Variants in ADAMTS19 observed in about 807,000 individuals in gnomAD.
ADAMTS19 encodes the protein A disintegrin and metalloproteinase with thrombospondin motifs 19.
A neutral mutation model predicts 153.3 loss-of-function variants in ADAMTS19; 93 were observed. The observed-to-expected ratio is 0.61, with a 90% CI of 0.51 to 0.72. ADAMTS19 has a LOEUF of 0.72. Ranked by LOEUF, ADAMTS19 falls within the 30% of genes least tolerant of loss-of-function variation. ADAMTS19 has a pLI of 0.00. For missense variants in ADAMTS19, 1,482 were observed against 1,552.1 expected (o/e 0.95, Z 0.76); for synonymous variants, 600 against 556.6 (o/e 1.08, Z -1.10).
intron 7 of ADAMTS19, among the ~76,000 whole-genome samples, chr5:129,565,345 A>G (rs528027644): frequency 7.9e-5 from 12 of 152,316 alleles, no homozygotes; most frequent in African/African-American, 2.9e-4. Context: ...TATTCGATAC[A>G]CAGAGAGTAA....
At chr5:129,657,246 A>G (rs1753586025) in intron 14 of ADAMTS19, among the ~76,000 whole-genome samples, 3 of 152,200 alleles carry the variant, frequency 2.0e-5, no homozygotes, top group Admixed American at 2.0e-4. Flanking sequence ...TTTTGCTCCC[A>G]GCACATTCAT....
At chr5:129,720,039 G>T (rs994695309) in intron 21 of ADAMTS19, among the ~76,000 whole-genome samples, 15 of 151,694 alleles carry the variant, frequency 9.9e-5, no homozygotes, top group Admixed American at 8.5e-4. Flanking sequence ...CTTCATCTTA[G>T]AAATAAATAA....
chr5:129,534,168 T>A (rs957333838), intron 6 of ADAMTS19, among the ~76,000 whole-genome samples: 1 of 152,118 alleles, frequency 6.6e-6, no homozygotes, highest in Non-Finnish European at 1.5e-5. Flanking sequence ...ACCTGTCTCA[T>A]TGATCTGTCT....
chr5:129,647,214 GA>G (rs34958335), intron 11 of ADAMTS19, among the ~76,000 whole-genome samples: 20,664 of 102,294 alleles, frequency 0.2, 1,495 homozygotes, highest in African/African-American at 0.31. Flanking sequence ...AATTCTTTCA[GA>G]AAAAAAAAAA....
intron 7 of ADAMTS19, among the ~76,000 whole-genome samples, chr5:129,554,733 G>T (rs1430954119): frequency 6.6e-6 from 1 of 151,960 alleles, no homozygotes; most frequent in Non-Finnish European, 1.5e-5. Context: ...AGACTTTTAC[G>T]TTACTTGTAG....
At chr5:129,491,729 A>G (rs1750777380) in intron 2 of ADAMTS19, among the ~76,000 whole-genome samples, 2 of 152,196 alleles carry the variant, frequency 1.3e-5, no homozygotes, top group South Asian at 4.1e-4. Flanking sequence ...ATTCCTTAAG[A>G]AGGTTTTTCT....
chr5:129,603,562 G>GT (rs1450899946), intron 8 of ADAMTS19, among the ~76,000 whole-genome samples: 1 of 152,080 alleles, frequency 6.6e-6, no homozygotes, highest in East Asian at 1.9e-4. Flanking sequence ...ATTGTGTATG[G>GT]TTTTAGGAAA....
chr5:129,500,859 T>C (rs1161298988), intron 2 of ADAMTS19, among the ~76,000 whole-genome samples: 3 of 152,080 alleles, frequency 2.0e-5, no homozygotes, highest in Non-Finnish European at 4.4e-5. Context: ...AATTATGATA[T>C]ATTTAGAGGA....
rs575554153 is a variant in ADAMTS19, at chr5:129,719,945, C to T, written c.3313-14987C>T. Among the ~76,000 whole-genome samples, 470 of 152,000 alleles carry T rather than the reference C, an allele frequency of 3.1e-3. 4 individuals are homozygous for T. Among genetic ancestry groups the T allele is most frequent in the African/African-American group, 0.011 (439 of 41,482 alleles). ...ATCCCAGCTACTTGGAAGGCTGAAGCGGGAGAATCACTTGAACCTGGGAGG... is the reference window on the plus strand; with the variant it reads ...ATCCCAGCTACTTGGAAGGCTGAAGTGGGAGAATCACTTGAACCTGGGAGG... On this transcript the variant is annotated intron_variant, in intron 21 of 22. Transcript: ENST00000274487.
intron 7 of ADAMTS19, among the ~76,000 whole-genome samples, chr5:129,561,690 T>C (rs773531371): frequency 7.9e-5 from 12 of 152,194 alleles, no homozygotes; most frequent in Non-Finnish European, 1.0e-4. Flanking sequence ...TTAATATCTA[T>C]TGGTATATCT....
intron 8 of ADAMTS19, among the ~76,000 whole-genome samples, chr5:129,598,402 C>T (rs1289563299): frequency 1.3e-5 from 2 of 152,100 alleles, no homozygotes; most frequent in African/African-American, 4.8e-5. Flanking sequence ...TAAAGGAAAG[C>T]TTAGAAGAAA....
chr5:129,482,606 A>C (rs1750452797), intron 2 of ADAMTS19, among the ~76,000 whole-genome samples: 1 of 152,222 alleles, frequency 6.6e-6, no homozygotes, highest in African/African-American at 2.4e-5. Context: ...AGCTACAAAG[A>C]TGAGTTATCA....
At chr5:129,483,284 G>T (rs10069102) in intron 2 of ADAMTS19, among the ~76,000 whole-genome samples, 23,274 of 152,106 alleles carry the variant, frequency 0.15, 2,393 homozygotes, top group African/African-American at 0.29. Context: ...TAATCTCTCT[G>T]AGTCTCTGTT....
Position 129,602,338 on chromosome 5 carries a change from G to A in ADAMTS19, c.1478+5674G>A, listed in dbSNP as rs141745696. On this transcript the variant is annotated intron_variant, in intron 8 of 22. Coordinates refer to ENST00000274487, the MANE Select transcript of ADAMTS19 (RefSeq NM_133638.6). ...ACTCCCGACCTCAGGTGATCCGCCC[G>A]CCTCAGCCTCCCAACGTGCTGGGAT... 8.1e-3 allele frequency among the ~76,000 whole-genome samples: 1,227 copies of A among 152,228 alleles called. 12 individuals carry two copies. Among genetic ancestry groups the A allele is most frequent in the African/African-American group, 0.028 (1,148 of 41,554 alleles).
intron 22 of ADAMTS19, among the ~76,000 whole-genome samples, chr5:129,735,781 T>A (rs1248831457): frequency 6.6e-6 from 1 of 152,040 alleles, no homozygotes; most frequent in African/African-American, 2.4e-5. Context: ...AGCCTACACT[T>A]GCATAACAAA....
intron 2 of ADAMTS19, among the ~76,000 whole-genome samples, chr5:129,478,546 TTTTG>T (rs1037043796): frequency 1.3e-5 from 2 of 152,254 alleles, no homozygotes; most frequent in South Asian, 4.1e-4. Flanking sequence ...CCCTACCTTT[TTTTG>T]TTTGTTTGTT....
At chr5:129,575,045 A>G (rs988984027) in intron 7 of ADAMTS19, among the ~76,000 whole-genome samples, 23 of 152,010 alleles carry the variant, frequency 1.5e-4, no homozygotes, top group African/African-American at 4.6e-4. Flanking sequence ...AGAGCTTCAG[A>G]TATTTGTAGG....
Position 129,461,657 on chromosome 5 carries a change from C to A in ADAMTS19, c.647C>A (p.Pro216Gln). The change falls in exon 2 of 23, where the codon CCG becomes CAG. Residue 216 changes from proline to glutamine, a missense_variant. By Grantham distance (76) the Pro-to-Gln change is moderately conservative (BLOSUM62 -1). This residue lies in a region of ADAMTS19 where 866 missense variants were observed against 827.7 expected (regional missense o/e 1.05). Coordinates refer to ENST00000274487, the MANE Select transcript of ADAMTS19 (RefSeq NM_133638.6). This position sits in a 1 kb window ranked among gnomAD's most constrained non-coding sequence, Gnocchi z 4.6. ...GPGPTGAASA[P>Q]QPPAPPDAGC... The stretch of plus-strand genomic sequence containing the variant: ...GGCCCCACGGGGGCAGCATCCGCCC[C>A]GCAACCTCCCGCGCCACCAGACGCA... 1 of 1,587,750 alleles carries A rather than the reference C, an allele frequency of 6.3e-7. No homozygotes were observed. Among genetic ancestry groups the A allele is most frequent in the Non-Finnish European group, 8.5e-7 (1 of 1,172,994 alleles).
At chr5:129,588,865 GACT>G (rs1317394758) in intron 7 of ADAMTS19, among the ~76,000 whole-genome samples, 2 of 151,696 alleles carry the variant, frequency 1.3e-5, no homozygotes, top group African/African-American at 2.4e-5. Flanking sequence ...ACCCTAATTT[GACT>G]ACTAATATAT....
Sources: gnomAD v4.1 joint callset for allele counts (sites outside exome capture counted in the v4.1 genomes callset) on GRCh38, gnomAD v4.1.1 for gene constraint, gnomAD v4.1.1 regional missense constraint, Gnocchi (gnomAD v3.1) non-coding constraint, MANE v1.5 for transcripts, NCBI Gene and HGNC (gene_info 2026-07-23, HGNC 2026-07-21) for gene names.